Variants in CLASP2 observed in about 807,000 individuals in gnomAD.
The protein encoded by CLASP2 is cytoplasmic linker associated protein 2, also known as CLIP-associating protein 2.
CLASP2 carries 47 observed loss-of-function variants against 194.4 expected under a neutral mutation model. That is an observed-to-expected ratio of 0.24 (90% CI 0.19 to 0.31). The LOEUF is 0.31. CLASP2 is among the 10% of genes least tolerant of loss of function. CLASP2 has a pLI of 1.00. For synonymous variants in CLASP2, 619 were observed against 633.5 expected (o/e 0.98, Z 0.34); for missense variants, 1,445 against 1,823.6 (o/e 0.79, Z 3.78).
intron 36 of CLASP2, among the ~76,000 whole-genome samples, chr3:33,512,557 T>TAAAAAAA (rs71070140): frequency 1.5e-3 from 19 of 12,456 alleles, no homozygotes; most frequent in African/African-American, 4.1e-3. Flanking sequence ...TAGAGTATAA[T>TAAAAAAA]AAAAAAAAAA....
chr3:33,588,467 G>A (rs921041536), intron 21 of CLASP2, among the ~76,000 whole-genome samples: 4 of 151,954 alleles, frequency 2.6e-5, no homozygotes, highest in African/African-American at 9.7e-5. Context: ...CATGACAAAA[G>A]CTCCTGTTTC....
At chr3:33,531,551 G>A (rs2056302748) in intron 34 of CLASP2, among the ~76,000 whole-genome samples, 1 of 152,134 alleles carries the variant, frequency 6.6e-6, no homozygotes, top group African/African-American at 2.4e-5. Flanking sequence ...CGAGGAGGGT[G>A]GATCACCTGA....
chr3:33,708,991 C>A (rs970052660), intron 1 of CLASP2, among the ~76,000 whole-genome samples: 1 of 152,170 alleles, frequency 6.6e-6, no homozygotes, highest in African/African-American at 2.4e-5. Flanking sequence ...GCATCTCATA[C>A]GTTTTGGATA....
intron 8 of CLASP2, among the ~76,000 whole-genome samples, chr3:33,642,853 GA>G (rs2081563864): frequency 6.6e-6 from 1 of 151,236 alleles, no homozygotes; most frequent in Non-Finnish European, 1.5e-5. Flanking sequence ...ATAAAAAAAA[GA>G]AACAAGAATA....
chr3:33,592,322 T>C (rs2068987228), intron 21 of CLASP2, 73 bp downstream of exon 21: 2 of 1,037,896 alleles, frequency 1.9e-6, no homozygotes, highest in East Asian at 2.5e-5. Flanking sequence ...AATCGTCTAA[T>C]ACAGTAATAC....
chr3:33,688,228 T>C, intron 4 of CLASP2, 49 bp downstream of exon 4: 1 of 1,418,068 alleles, frequency 7.1e-7, no homozygotes, highest in Non-Finnish European at 9.5e-7. Flanking sequence ...AGGTTTTTTT[T>C]AGAGAAATAA....
rs77508344 is a variant in CLASP2 at position 33,527,085 on chromosome 3, T to C, written c.3787+8148A>G. On this transcript the variant is annotated intron_variant, in intron 34 of 38. Transcript: ENST00000682230. ...AAAGAATTAGAGAAGGAAGAACAAA[T>C]TAACCCCAATGTTAGCAGAGGACAA... Among the ~76,000 whole-genome samples, 6 of 152,136 alleles carry C rather than the reference T, an allele frequency of 3.9e-5. No individual in the cohort carries two copies. The East Asian group carries it at 7.7e-4, about 20-fold the overall frequency.
Position 33,573,218 on chromosome 3 carries a change from G to A in CLASP2, c.2591C>T (p.Thr864Met), listed in dbSNP as rs751789762. The change falls in exon 25 of 39, where the codon ACG becomes ATG. Residue 864 changes from threonine (T) to methionine (M), a missense_variant. Thr to Met is a moderately conservative substitution (Grantham distance 81). Transcript: ENST00000682230. ...NGSIPTYMRQTEDVAEVLNRC... is the reference protein window; with the variant it reads ...NGSIPTYMRQMEDVAEVLNRC... ...ATTGAGGACTTCTGCCACATCTTCC[G>A]TCTGCCTCATATATGTAGGAATACT... is the stretch of plus-strand genomic sequence containing the variant. 44 of 1,613,596 alleles carry A rather than the reference G, an allele frequency of 2.7e-5. No homozygotes were observed. Among genetic ancestry groups the A allele is most frequent in the Admixed American group, 6.7e-5 (4 of 59,998 alleles).
intron 6 of CLASP2, among the ~76,000 whole-genome samples, chr3:33,668,251 C>A (rs1419318309): frequency 6.6e-6 from 1 of 152,120 alleles, no homozygotes; most frequent in Non-Finnish European, 1.5e-5. Flanking sequence ...AACTATTTGA[C>A]TTAATGTCTT....
At chr3:33,522,105 G>A (rs2053285836) in intron 34 of CLASP2, among the ~76,000 whole-genome samples, 1 of 152,104 alleles carries the variant, frequency 6.6e-6, no homozygotes, top group Non-Finnish European at 1.5e-5. Flanking sequence ...GAGGCTGGCA[G>A]CCATTATTGT....
chr3:33,678,992 A>G (rs780185874), intron 6 of CLASP2, among the ~76,000 whole-genome samples: 1 of 152,350 alleles, frequency 6.6e-6, no homozygotes, highest in Middle Eastern at 3.4e-3. Context: ...ACAAATTTGG[A>G]AGATTGACAC....
chr3:33,546,753 A>C (rs1318505053), intron 30 of CLASP2, among the ~76,000 whole-genome samples: 1 of 152,152 alleles, frequency 6.6e-6, no homozygotes, highest in East Asian at 1.9e-4. Flanking sequence ...CATTTTTGTC[A>C]CATCAGACAG....
intron 37 of CLASP2, among the ~76,000 whole-genome samples, chr3:33,506,406 A>AAAAAAAAAAAAAT: frequency 6.7e-6 from 1 of 150,156 alleles, no homozygotes; most frequent in African/African-American, 2.5e-5. Context: ...AAAAAAAAAA[A>AAAAAAAAAAAAAT]GAATTTGCTT....
intron 1 of CLASP2, among the ~76,000 whole-genome samples, chr3:33,714,441 C>T (rs940380131): frequency 6.6e-6 from 1 of 152,158 alleles, no homozygotes; most frequent in African/African-American, 2.4e-5. Flanking sequence ...TTTTTACATC[C>T]GTCACCCAAT....
chr3:33,535,810 A>G (rs761318469), intron 33 of CLASP2, among the ~76,000 whole-genome samples: 1 of 152,134 alleles, frequency 6.6e-6, no homozygotes, highest in Non-Finnish European at 1.5e-5. Context: ...AACTTTCATA[A>G]GCAATACAGT....
chr3:33,575,497 T>C (rs1398817106), intron 24 of CLASP2, among the ~76,000 whole-genome samples: 1 of 152,118 alleles, frequency 6.6e-6, no homozygotes, highest in Non-Finnish European at 1.5e-5. Flanking sequence ...ATTAATATCA[T>C]AATCTGAAAG....
At chr3:33,716,586 G>A (rs554203244) in intron 1 of CLASP2, among the ~76,000 whole-genome samples, 2 of 152,308 alleles carry the variant, frequency 1.3e-5, no homozygotes, top group Non-Finnish European at 2.9e-5. Flanking sequence ...TCTTGAGTGT[G>A]AATATGTATA....
rs754750026 is a variant in CLASP2 at position 33,544,880 on chromosome 3, G to C, written c.3154-39C>G. On this transcript the variant is annotated intron_variant, in intron 30 of 38. Transcript: ENST00000682230. ...GCATACAGTAGATGAATATATTTTT[G>C]TTACTCAAACAAGACCGTTTTCTTC... 6 of 1,510,808 alleles carry C rather than the reference G, an allele frequency of 4.0e-6. No homozygotes were observed. The South Asian group carries it at 8.1e-5, about 20-fold the overall frequency. 93.6% of individuals were successfully genotyped at this position (1,510,808 alleles called of 1,614,324 possible). A position where few individuals can be genotyped will look rare whatever the true frequency, so the allele number is the denominator to read the frequency against.
chr3:33,671,854 T>C (rs2087302201), intron 6 of CLASP2, among the ~76,000 whole-genome samples: 1 of 152,124 alleles, frequency 6.6e-6, no homozygotes, highest in Non-Finnish European at 1.5e-5. Flanking sequence ...CACAGCAGTC[T>C]GAGATCAAAC....
Sources: allele counts gnomAD v4.1 joint callset (sites outside exome capture counted in the v4.1 genomes callset), GRCh38; gene constraint gnomAD v4.1.1; transcripts MANE v1.5; gene names NCBI Gene and HGNC (gene_info 2026-07-23, HGNC 2026-07-21).